B3GLCT: variants seen among roughly 807,000 people sequenced by gnomAD.
The protein encoded by B3GLCT is beta 3-glucosyltransferase.
Under a neutral mutation model 63.4 loss-of-function variants are expected in B3GLCT, and 65 were observed. That is an observed-to-expected ratio of 1.03 (90% CI 0.84 to 1.26). The LOEUF is 1.26. Ranked by LOEUF, B3GLCT falls within the 50% of genes most tolerant of loss-of-function variation. The pLI is 0.00. For synonymous variants in B3GLCT, 233 were observed against 219.2 expected (o/e 1.06, Z -0.55); for missense variants, 577 against 604.8 (o/e 0.95, Z 0.48).
intron 7 of B3GLCT, among the ~76,000 whole-genome samples, chr13:31,266,180 A>G (rs1260381631): frequency 2.0e-5 from 3 of 151,928 alleles, no homozygotes; most frequent in Admixed American, 1.3e-4. Context: ...TTGTGTTTTT[A>G]GTAGAGACGG....
At chr13:31,207,679 A>G (rs1869031002) in intron 1 of B3GLCT, among the ~76,000 whole-genome samples, 5 of 152,200 alleles carry the variant, frequency 3.3e-5, no homozygotes, top group South Asian at 4.1e-4. Flanking sequence ...AGTGTTTCCC[A>G]TGACTTCTGT....
At chr13:31,200,691 G>A (rs1282963851) in intron 1 of B3GLCT, among the ~76,000 whole-genome samples, 3 of 151,984 alleles carry the variant, frequency 2.0e-5, no homozygotes, top group Non-Finnish European at 4.4e-5. Context: ...CGAGGACTGC[G>A]GTCCCGGTGT....
At chr13:31,231,314 A>G (rs778149257) in intron 4 of B3GLCT, among the ~76,000 whole-genome samples, 18 of 152,156 alleles carry the variant, frequency 1.2e-4, no homozygotes, top group Non-Finnish European at 2.2e-4. Flanking sequence ...CATCAGAACC[A>G]CAGTTAGGCA....
chr13:31,206,415 C>T lies in B3GLCT; in HGVS notation c.70+6261C>T, dbSNP rs1010495182. Among the ~76,000 whole-genome samples, 7 of 152,198 alleles carry T rather than the reference C, an allele frequency of 4.6e-5. No homozygotes were observed. In the East Asian group the frequency reaches 5.8e-4, roughly 13 times the overall value. ...GCCCGGATATAAACTAGGACTCTTA[C>T]TGGGTGATTTCTGTGAACATCTGTG... On this transcript the variant is annotated intron_variant, in intron 1 of 14. Coordinates refer to ENST00000343307, the MANE Select transcript of B3GLCT (RefSeq NM_194318.4).
chr13:31,254,837 G>T lies in B3GLCT; in HGVS notation c.460-6109G>T, dbSNP rs142000083. ...GAGGCCGAGGTGGGTGGATCACAAG[G>T]TCAGGAGTTTGAGACCAGTAAAACC... is the stretch of plus-strand genomic sequence containing the variant. On this transcript the variant is annotated intron_variant, in intron 6 of 14. Transcript: ENST00000343307. Among the ~76,000 whole-genome samples, 998 of 152,098 alleles carry T rather than the reference G, an allele frequency of 6.6e-3. 12 individuals are homozygous for T. Among genetic ancestry groups the T allele is most frequent in the African/African-American group, 0.023 (965 of 41,480 alleles).
chr13:31,285,242 G>C (rs1873262711), intron 11 of B3GLCT, among the ~76,000 whole-genome samples: 4 of 151,928 alleles, frequency 2.6e-5, no homozygotes, highest in Admixed American at 2.6e-4. Context: ...CAAATTGCAG[G>C]CTTTCTAATT....
intron 6 of B3GLCT, among the ~76,000 whole-genome samples, chr13:31,254,064 C>G (rs1408330502): frequency 3.3e-5 from 5 of 152,132 alleles, no homozygotes; most frequent in Non-Finnish European, 2.9e-5. Context: ...AAGTCCGGGA[C>G]CAGACAGATT....
In B3GLCT at chr13:31,266,182, T is replaced by C. The variant is rs150758490; in HGVS notation, c.597-3032T>C. On this transcript the variant is annotated intron_variant, in intron 7 of 14. Coordinates refer to ENST00000343307, the MANE Select transcript of B3GLCT (RefSeq NM_194318.4). The stretch of plus-strand genomic sequence containing the variant: ...CCGCCTAATATTTTTGTGTTTTTAG[T>C]AGAGACGGGGTTTCACCGTGTTAGC... Among the ~76,000 whole-genome samples, 16 of 152,030 alleles carry C rather than the reference T, an allele frequency of 1.1e-4. No homozygotes were observed. In the East Asian group the frequency reaches 2.1e-3, roughly 20 times the overall value.
At chr13:31,266,587 G>C (rs1016202588) in intron 7 of B3GLCT, among the ~76,000 whole-genome samples, 3 of 152,138 alleles carry the variant, frequency 2.0e-5, no homozygotes, top group Non-Finnish European at 4.4e-5. Flanking sequence ...ACTTGAACTT[G>C]TTTGCAAGGT....
rs377728418 is a variant in B3GLCT at position 31,270,069 on chromosome 13, G to A, written c.660+792G>A. 2.2e-4 allele frequency among the ~76,000 whole-genome samples: 33 copies of A among 152,286 alleles called. 1 individual carries two copies. Among genetic ancestry groups the A allele is most frequent in the African/African-American group, 7.9e-4 (33 of 41,554 alleles). On this transcript the variant is annotated intron_variant, in intron 8 of 14. Transcript: ENST00000343307. ...GCAGCCTGGAGCCCTAACACTCCTG[G>A]TTCCTTCACATTTACTGGACATCTG...
At chr13:31,295,975 T>C (rs1873920580) in intron 12 of B3GLCT, among the ~76,000 whole-genome samples, 1 of 152,194 alleles carries the variant, frequency 6.6e-6, no homozygotes. Flanking sequence ...GGTCTGCAGG[T>C]TGTGAAGACC....
intron 4 of B3GLCT, among the ~76,000 whole-genome samples, chr13:31,240,902 G>A (rs1870909491): frequency 1.3e-5 from 2 of 152,290 alleles, no homozygotes; most frequent in South Asian, 2.1e-4. Context: ...TTGGGCAGCG[G>A]CCTGGATAGG....
In B3GLCT at chr13:31,323,915, T is replaced by C. The variant is rs1176047728; in HGVS notation, c.1329+20T>C. ...CATCAGGTGAGGAAATGGTTTTTAT[T>C]CTTCCCTCATGGCAGGTGAGGGACA... On this transcript the variant is annotated intron_variant, in intron 14 of 14. Transcript: ENST00000343307. 1.2e-6 allele frequency: 2 copies of C among 1,613,884 alleles called. No homozygotes were observed. The highest frequency in any genetic ancestry group is 1.7e-6 in the Non-Finnish European group (2 of 1,179,760).
chr13:31,301,325 C>G (rs182143912), intron 12 of B3GLCT, among the ~76,000 whole-genome samples: 11 of 152,290 alleles, frequency 7.2e-5, no homozygotes, highest in Middle Eastern at 3.4e-3. Flanking sequence ...AGTTTCTGTT[C>G]TGCACTATGT....
At chr13:31,223,558 C>A (rs568357077) in intron 3 of B3GLCT, among the ~76,000 whole-genome samples, 3 of 152,252 alleles carry the variant, frequency 2.0e-5, no homozygotes, top group East Asian at 3.9e-4. Context: ...TATTTGTACT[C>A]CTTTTGAAAC....
chr13:31,299,682 A>T (rs866163969), intron 12 of B3GLCT, among the ~76,000 whole-genome samples: 4 of 152,026 alleles, frequency 2.6e-5, no homozygotes, highest in Middle Eastern at 3.2e-3. Context: ...CTGCTGCCGT[A>T]CCCCCATATC....
At chr13:31,208,629 C>CA (rs1373638733) in intron 1 of B3GLCT, among the ~76,000 whole-genome samples, 2 of 138,308 alleles carry the variant, frequency 1.4e-5, no homozygotes, top group African/African-American at 5.4e-5. Flanking sequence ...GCCCCCCCCC[C>CA]CCGCTCACTG....
At chr13:31,207,586 T>C (rs1208225475) in intron 1 of B3GLCT, among the ~76,000 whole-genome samples, 2 of 152,226 alleles carry the variant, frequency 1.3e-5, no homozygotes, top group Non-Finnish European at 2.9e-5. Flanking sequence ...CTGTGCTTCC[T>C]GTAAAATATA....
intron 1 of B3GLCT, among the ~76,000 whole-genome samples, chr13:31,205,240 T>A (rs1332870139): frequency 2.0e-5 from 3 of 151,562 alleles, no homozygotes; most frequent in African/African-American, 4.9e-5. Context: ...AGTAGGTTTT[T>A]TTTTTTTGTT....
Sources: allele counts gnomAD v4.1 joint callset (sites outside exome capture counted in the v4.1 genomes callset), GRCh38; gene constraint gnomAD v4.1.1; transcripts MANE v1.5; gene names NCBI Gene and HGNC (gene_info 2026-07-23, HGNC 2026-07-21).